ADHFE1: variants seen among roughly 807,000 people sequenced by gnomAD.
The protein encoded by ADHFE1 is alcohol dehydrogenase iron containing 1.
Under a neutral mutation model 54.8 loss-of-function variants are expected in ADHFE1, and 37 were observed. The ratio of observed to expected loss-of-function variants is 0.68; its 90% CI spans 0.52 to 0.89. The LOEUF (loss-of-function observed/expected upper bound fraction) is 0.89, where lower values mean the gene tolerates loss of function less well. Ranked by LOEUF, ADHFE1 falls within the 40% of genes least tolerant of loss-of-function variation. ADHFE1 has a pLI of 0.00. For missense variants in ADHFE1, 601 were observed against 591.2 expected (o/e 1.02, Z -0.17); for synonymous variants, 203 against 229.3 (o/e 0.89, Z 1.04).
At chr8:66,460,117 T>C in intron 12 of ADHFE1, 191 bp from the exon 13 acceptor site, 2 of 633,636 alleles carry the variant, frequency 3.2e-6, no homozygotes, top group Non-Finnish European at 5.5e-6. Context: ...TGGCAGCCCC[T>C]CCGAAATGTC....
chr8:66,449,505 CA>C (rs988459280), intron 8 of ADHFE1, among the ~76,000 whole-genome samples: 2 of 152,222 alleles, frequency 1.3e-5, no homozygotes, highest in Admixed American at 1.3e-4. Context: ...CTGTGTGATA[CA>C]GGACCTTTGT....
rs775496992 is a variant in ADHFE1, at chr8:66,460,265, G to A, written c.1163-43G>A. 50 of 1,609,634 alleles carry A rather than the reference G, an allele frequency of 3.1e-5. 1 individual carries two copies. The highest frequency in any genetic ancestry group is 3.1e-4 in the African/African-American group (23 of 74,822). ...TGTGACTGAACTCCACCCAGAGCCCGTTTCTTCCTCTCTCCCTACAGTCAG... is the reference window on the plus strand; with the variant it reads ...TGTGACTGAACTCCACCCAGAGCCCATTTCTTCCTCTCTCCCTACAGTCAG... On this transcript the variant is annotated intron_variant, in intron 12 of 13. Transcript: ENST00000396623.
intron 10 of ADHFE1, among the ~76,000 whole-genome samples, chr8:66,455,302 T>C (rs1035349509): frequency 9.2e-5 from 14 of 152,238 alleles, no homozygotes; most frequent in Non-Finnish European, 1.5e-4. Context: ...TGTGGATTTT[T>C]TAAACTTAAA....
At chr8:66,438,534 A>G (rs944708470) in intron 1 of ADHFE1, among the ~76,000 whole-genome samples, 4 of 152,192 alleles carry the variant, frequency 2.6e-5, no homozygotes, top group Non-Finnish European at 5.9e-5. Context: ...GTGAGGTGCT[A>G]CGAGGTCTGA....
chr8:66,438,957 C>A (rs1250170195), intron 1 of ADHFE1, among the ~76,000 whole-genome samples: 1 of 151,246 alleles, frequency 6.6e-6, no homozygotes, highest in Admixed American at 6.6e-5. Context: ...ATTTTTTTTT[C>A]CTTCCCTTGG....
chr8:66,452,241 C>G, intron 9 of ADHFE1, 136 bp downstream of exon 9: 3 of 1,226,814 alleles, frequency 2.4e-6, no homozygotes, highest in Non-Finnish European at 3.3e-6. Flanking sequence ...CGCAGAAGCC[C>G]CAGACACCAG....
In ADHFE1 at chr8:66,432,565, C is replaced by A; in HGVS notation, c.49C>A (p.Gln17Lys). 7.4e-7 allele frequency: 1 copy of A among 1,345,534 alleles called. No homozygotes were observed. Among genetic ancestry groups the A allele is most frequent in the Non-Finnish European group, 9.6e-7 (1 of 1,039,940 alleles). The allele number at this position is 1,345,534 out of a possible 1,614,324, so 83.3% of individuals were successfully genotyped here. ...ARVAYLLRQLQRAACQCPTHS... is the reference protein window; with the variant it reads ...ARVAYLLRQLKRAACQCPTHS... ...GGTCGCGTACTTGCTGAGGCAACTG[C>A]AACGCGCAGCGTGAGTGCGGGGCCG... Residue 17 changes from glutamine (Q) to lysine (K), a missense_variant, in exon 1 of 14, where the codon CAA becomes AAA. Coordinates refer to ENST00000396623, the MANE Select transcript of ADHFE1 (RefSeq NM_144650.3).
chr8:66,455,066 G>A (rs1474214359), intron 10 of ADHFE1, among the ~76,000 whole-genome samples: 1 of 152,166 alleles, frequency 6.6e-6, no homozygotes, highest in African/African-American at 2.4e-5. Context: ...CATGTAAATG[G>A]AATCATAGAA....
intron 2 of ADHFE1, 95 bp from the exon 3 acceptor site, chr8:66,442,703 A>G (rs796325701): frequency 1.4e-5 from 15 of 1,102,790 alleles, no homozygotes; most frequent in African/African-American, 3.2e-5. Flanking sequence ...AAGACTTCAA[A>G]GGAAATACTT....
At chr8:66,434,629 G>A (rs540868264) in intron 1 of ADHFE1, among the ~76,000 whole-genome samples, 11 of 152,356 alleles carry the variant, frequency 7.2e-5, no homozygotes, top group Non-Finnish European at 1.3e-4. Context: ...GCTAGGGCAC[G>A]GGGTGATGTG....
chr8:66,462,641 T>C (rs1354628860), intron 13 of ADHFE1, among the ~76,000 whole-genome samples: 1 of 152,196 alleles, frequency 6.6e-6, no homozygotes, highest in African/African-American at 2.4e-5. Flanking sequence ...AAGGTTCTGT[T>C]TGTTTAGCCC....
chr8:66,451,049 C>T (rs1806273361), intron 8 of ADHFE1, among the ~76,000 whole-genome samples: 2 of 152,200 alleles, frequency 1.3e-5, no homozygotes, highest in Non-Finnish European at 2.9e-5. Context: ...TACAGAGGCC[C>T]CCATGGGGAA....
intron 1 of ADHFE1, among the ~76,000 whole-genome samples, chr8:66,436,288 AC>A (rs1356049776): frequency 2.6e-5 from 4 of 152,100 alleles, no homozygotes; most frequent in African/African-American, 9.7e-5. Context: ...CAGGATTAGA[AC>A]CTTATCTTCA....
chr8:66,459,914 G>T (rs1246800075), intron 12 of ADHFE1: 2 of 159,476 alleles, frequency 1.3e-5, no homozygotes, highest in Non-Finnish European at 2.7e-5. Flanking sequence ...GTTGCTGTGG[G>T]AAAAGACGTT....
At chr8:66,432,891 T>C (rs1805276727) in intron 1 of ADHFE1, 4 of 1,174,984 alleles carry the variant, frequency 3.4e-6, no homozygotes, top group Non-Finnish European at 3.2e-6. Context: ...GACAAATTCA[T>C]GTATGCAATT....
intron 2 of ADHFE1, 139 bp from the exon 3 acceptor site, chr8:66,442,659 C>A: frequency 1.4e-6 from 1 of 738,584 alleles, no homozygotes; most frequent in Non-Finnish European, 2.2e-6. Context: ...ATTTGATGTG[C>A]AACAGTGAAA....
At chr8:66,450,928 T>G (rs753943113) in intron 8 of ADHFE1, among the ~76,000 whole-genome samples, 8 of 152,272 alleles carry the variant, frequency 5.3e-5, no homozygotes, top group Non-Finnish European at 8.8e-5. Flanking sequence ...GCTTCTCATA[T>G]GTAGAAGAGA....
intron 12 of ADHFE1, chr8:66,459,411 T>TAC (rs1491580977): frequency 1.1e-5 from 1 of 89,476 alleles, no homozygotes; most frequent in Admixed American, 1.2e-4. Flanking sequence ...TAATTTTTAT[T>TAC]ATATATATAT....
At chr8:66,453,706 AC>A (rs755756442) in intron 9 of ADHFE1, 1 of 1,370,340 alleles carries the variant, frequency 7.3e-7, no homozygotes, top group African/African-American at 1.5e-5. Context: ...ACATCCCTTC[AC>A]AGGGCCGTCA....
Sources: gnomAD v4.1 joint callset for allele counts (sites outside exome capture counted in the v4.1 genomes callset) on GRCh38, gnomAD v4.1.1 for gene constraint, MANE v1.5 for transcripts, NCBI Gene and HGNC (gene_info 2026-07-23, HGNC 2026-07-21) for gene names.